PSMA1: variants seen among roughly 807,000 people sequenced by gnomAD.
PSMA1 encodes the protein proteasome subunit alpha type-1.
PSMA1 carries 3 observed loss-of-function variants against 38.4 expected under a neutral mutation model. The observed-to-expected ratio is 0.08, with a 90% confidence interval of 0.04 to 0.20. PSMA1 has a LOEUF of 0.20. Ranked by LOEUF, PSMA1 falls within the 10% of genes least tolerant of loss-of-function variation. The pLI is 1.00. For missense variants in PSMA1, 227 were observed against 325.3 expected, an observed-to-expected ratio of 0.70 and a Z score of 2.32; for synonymous variants, 101 against 107.1, an observed-to-expected ratio of 0.94 and a Z score of 0.35.
At chr11:14,562,779 G>C (rs1420184556) in intron 2 of PSMA1, among the ~76,000 whole-genome samples, 1 of 151,814 alleles carries the variant, frequency 6.6e-6, no homozygotes, top group Non-Finnish European at 1.5e-5. Context: ...TGTAGTTTTA[G>C]AGACTGGTCT....
At chr11:14,521,616 C>T (rs113514915), upstream of PSMA1, among the ~76,000 whole-genome samples, 1 of 151,480 alleles carries the variant, frequency 6.6e-6, no homozygotes, top group Non-Finnish European at 1.5e-5. Context: ...AACCCCGTCT[C>T]TACTAAAAAT....
chr11:14,582,423 A>G (rs1457245781), intron 2 of PSMA1, among the ~76,000 whole-genome samples: 2 of 151,926 alleles, frequency 1.3e-5, no homozygotes, highest in Non-Finnish European at 2.9e-5. Context: ...TAGTTTCACA[A>G]TATAATCCAC....
chr11:14,607,390 T>C (rs752841529), intron 2 of PSMA1, among the ~76,000 whole-genome samples: 2 of 152,210 alleles, frequency 1.3e-5, no homozygotes, highest in Non-Finnish European at 2.9e-5. Flanking sequence ...CTAACACTAA[T>C]TGTGATGCTC....
At chr11:14,573,225 A>G (rs945319534) in intron 2 of PSMA1, among the ~76,000 whole-genome samples, 3 of 152,210 alleles carry the variant, frequency 2.0e-5, no homozygotes, top group Admixed American at 2.0e-4. Flanking sequence ...AGAATTTTAG[A>G]TCAATATCCC....
rs543195520 is a variant in PSMA1 at position 14,602,861 on chromosome 11, G to A, written c.21+8105C>T. Among the ~76,000 whole-genome samples the A allele has an allele frequency of 2.3e-4, 35 of 152,278 alleles. No individual in the cohort carries two copies. The South Asian group carries it at 6.4e-3, about 28-fold the overall frequency. On this transcript the variant is annotated intron_variant, in intron 2 of 10. Transcript: ENST00000418988. ...GACCTGGAGCCATTTCAGATTTCAC[G>A]TGAGTTCCGCTCAGAAAGATCAAGT...
At chr11:14,600,607 G>C (rs766206870) in intron 2 of PSMA1, among the ~76,000 whole-genome samples, 2 of 152,208 alleles carry the variant, frequency 1.3e-5, no homozygotes, top group Admixed American at 1.3e-4. Context: ...GAACAGCACT[G>C]TATTTGAGCG....
chr11:14,523,878 C>T (rs1164207121), upstream of PSMA1, among the ~76,000 whole-genome samples: 5 of 151,708 alleles, frequency 3.3e-5, no homozygotes, highest in African/African-American at 7.3e-5. Flanking sequence ...CTACCATGCC[C>T]GGCCTCAAGA....
chr11:14,585,670 GAA>G (rs1403506784), intron 2 of PSMA1, among the ~76,000 whole-genome samples: 1 of 152,198 alleles, frequency 6.6e-6, no homozygotes, highest in East Asian at 1.9e-4. Context: ...TAGGCAGACA[GAA>G]ATTTGCCCCT....
chr11:14,598,121 T>C (rs905426843), intron 2 of PSMA1, among the ~76,000 whole-genome samples: 11 of 152,206 alleles, frequency 7.2e-5, no homozygotes, highest in Non-Finnish European at 1.5e-4. Flanking sequence ...AGACAGTTTG[T>C]TATAATTTCT....
At chr11:14,575,234 CT>C (rs978284356) in intron 2 of PSMA1, among the ~76,000 whole-genome samples, 3 of 151,944 alleles carry the variant, frequency 2.0e-5, no homozygotes, top group Non-Finnish European at 4.4e-5. Context: ...GAATAAATTT[CT>C]TTTTTTAAAT....
chr11:14,519,075 A>G, intron 1 of PSMA1, 34 bp from the exon 2 acceptor site: 1 of 1,481,156 alleles, frequency 6.8e-7, no homozygotes, highest in Non-Finnish European at 9.4e-7. Flanking sequence ...CTGTTAATAG[A>G]AGAACATTTC....
intron 1 of PSMA1, among the ~76,000 whole-genome samples, chr11:14,636,049 T>A (rs1853109581): frequency 6.6e-6 from 1 of 152,172 alleles, no homozygotes; most frequent in South Asian, 2.1e-4. Flanking sequence ...TTATATTGTA[T>A]CAATAAACTA....
chr11:14,602,575 T>A (rs184890170), intron 2 of PSMA1, among the ~76,000 whole-genome samples: 1 of 152,288 alleles, frequency 6.6e-6, no homozygotes, highest in Non-Finnish European at 1.5e-5. Flanking sequence ...TTGACCTTTT[T>A]TTGATGGGAG....
intron 1 of PSMA1, among the ~76,000 whole-genome samples, chr11:14,640,262 G>C (rs1853182536): frequency 6.6e-6 from 1 of 152,154 alleles, no homozygotes; most frequent in South Asian, 2.1e-4. Flanking sequence ...AAGACTGTAA[G>C]AGAGAGAAAT....
At chr11:14,627,048 A>G (rs1852920535) in intron 1 of PSMA1, among the ~76,000 whole-genome samples, 1 of 152,044 alleles carries the variant, frequency 6.6e-6, no homozygotes, top group Admixed American at 6.6e-5. Context: ...TGTCTTCATA[A>G]GTTTTTTTTC....
At chr11:14,512,699 G>A (rs1851364549) in intron 7 of PSMA1, among the ~76,000 whole-genome samples, 1 of 152,194 alleles carries the variant, frequency 6.6e-6, no homozygotes, top group Non-Finnish European at 1.5e-5. Flanking sequence ...CCTCTGGACT[G>A]TATTTTTCCT....
intron 2 of PSMA1, among the ~76,000 whole-genome samples, chr11:14,553,625 C>T (rs1339841151): frequency 6.6e-6 from 1 of 152,018 alleles, no homozygotes; most frequent in Non-Finnish European, 1.5e-5. Flanking sequence ...TCTTGAGACT[C>T]ATACAAATTG....
At chr11:14,520,387 A>T, upstream of PSMA1, 1 of 1,613,916 alleles carries the variant, frequency 6.2e-7, no homozygotes, top group African/African-American at 1.3e-5. Flanking sequence ...ATCTACAGAG[A>T]AGTCTGCGGG....
chr11:14,564,768 TTTTC>T (rs956512445), intron 2 of PSMA1, among the ~76,000 whole-genome samples: 9 of 151,878 alleles, frequency 5.9e-5, no homozygotes, highest in Middle Eastern at 3.4e-3. Flanking sequence ...AGTACTTTTC[TTTTC>T]TTTCTTTCTT....
Sources: gnomAD v4.1 joint callset for allele counts (sites outside exome capture counted in the v4.1 genomes callset) on GRCh38, gnomAD v4.1.1 for gene constraint, MANE v1.5 for transcripts, NCBI Gene and HGNC (gene_info 2026-07-23, HGNC 2026-07-21) for gene names.